The following MTUS1 variants were observed in gnomAD, a reference collection of about 807,000 sequenced individuals.
The protein encoded by MTUS1 is microtubule associated scaffold protein 1.
A neutral mutation model predicts 120.8 loss-of-function variants in MTUS1; 109 were observed. That is an observed-to-expected ratio of 0.90 (90% CI 0.77 to 1.06). The LOEUF is 1.06. Ranked by LOEUF, MTUS1 falls within the 50% of genes least tolerant of loss-of-function variation. MTUS1 has a pLI of 0.00. For missense variants in MTUS1, 2,210 were observed against 1,486.3 expected (o/e 1.49, Z -8.01); for synonymous variants, 737 against 550.5 (o/e 1.34, Z -4.74).
At chr8:17,710,306 C>G (rs1821038212) in intron 6 of MTUS1, among the ~76,000 whole-genome samples, 1 of 152,188 alleles carries the variant, frequency 6.6e-6, no homozygotes, top group Admixed American at 6.5e-5. Context: ...AAATTGGAGT[C>G]AATCCTCTCA....
chr8:17,703,628 C>CAAA (rs140018758), intron 6 of MTUS1, among the ~76,000 whole-genome samples: 1,213 of 115,092 alleles, frequency 0.011, 27 homozygotes, highest in African/African-American at 0.038. Context: ...GACTCTGTCT[C>CAAA]AAAAAAAAAA....
At chr8:17,672,783 T>A (rs73668813) in intron 8 of MTUS1, among the ~76,000 whole-genome samples, 6,265 of 152,290 alleles carry the variant, frequency 0.041, 432 homozygotes, top group African/African-American at 0.14. Flanking sequence ...GGAGAAGCAG[T>A]GCACCAGGAC....
At chr8:17,700,222 CT>C (rs1188539777) in intron 6 of MTUS1, among the ~76,000 whole-genome samples, 2 of 151,806 alleles carry the variant, frequency 1.3e-5, no homozygotes, top group African/African-American at 4.8e-5. Context: ...AATCTCAGCA[CT>C]TTGGGAGGCC....
intron 1 of MTUS1, among the ~76,000 whole-genome samples, chr8:17,756,639 C>G (rs1400463963): frequency 6.7e-6 from 1 of 149,118 alleles, no homozygotes; most frequent in African/African-American, 2.5e-5. Context: ...AAACTGTTCC[C>G]CACCCCTCTC....
At chr8:17,707,392 T>TA (rs753115249) in intron 6 of MTUS1, among the ~76,000 whole-genome samples, 3 of 151,988 alleles carry the variant, frequency 2.0e-5, no homozygotes, top group Non-Finnish European at 2.9e-5. Context: ...CTCCTCATAA[T>TA]ACCAGGTTAG....
chr8:17,749,640 G>A (rs1315697284), intron 2 of MTUS1, among the ~76,000 whole-genome samples: 3 of 149,160 alleles, frequency 2.0e-5, no homozygotes, highest in Non-Finnish European at 4.4e-5. Context: ...CCCCAGCCTG[G>A]GCAACAGAGA....
At chr8:17,731,283 G>A (rs772252513) in intron 3 of MTUS1, among the ~76,000 whole-genome samples, 63 of 152,084 alleles carry the variant, frequency 4.1e-4, no homozygotes, top group Non-Finnish European at 7.2e-4. Context: ...GTTCAAACCC[G>A]GCGCCACCTC....
rs1445279809 is a variant in MTUS1 at position 17,754,533 on chromosome 8, C to T, written c.1275G>A (p.Thr425=). The T allele has an allele frequency of 4.3e-6, 7 of 1,614,034 alleles. No individual in the cohort carries two copies. Among genetic ancestry groups the T allele is most frequent in the South Asian group, 2.2e-5 (2 of 91,084 alleles). ...ANDMVISTDK[T]MCMSTPVLEP... ...CTAGGACTGGTGTTGACATGCACAT[C>T]GTTTTGTCTGTGCTAATGACCATAT... Residue 425 remains threonine (T), a synonymous_variant, in exon 2 of 15, where the codon ACG becomes ACA. Coordinates refer to ENST00000693296, the MANE Select transcript of MTUS1 (RefSeq NM_001363059.2).
intron 3 of MTUS1, among the ~76,000 whole-genome samples, chr8:17,732,030 T>G (rs184728615): frequency 6.6e-6 from 1 of 152,298 alleles, no homozygotes; most frequent in African/African-American, 2.4e-5. Context: ...GGTGTCCCCA[T>G]GAAAAACAAA....
At chr8:17,740,010 G>A (rs1010428317) in intron 3 of MTUS1, among the ~76,000 whole-genome samples, 4 of 151,860 alleles carry the variant, frequency 2.6e-5, no homozygotes, top group Admixed American at 6.6e-5. Flanking sequence ...GTTCGAGACC[G>A]GCCTGGCCAA....
intron 1 of MTUS1, among the ~76,000 whole-genome samples, chr8:17,795,018 C>T (rs1186874126): frequency 6.6e-6 from 1 of 152,196 alleles, no homozygotes; most frequent in Non-Finnish European, 1.5e-5. Flanking sequence ...TCACTGAACA[C>T]TGCTGAATAC....
In MTUS1 at chr8:17,723,697, A is replaced by G; in HGVS notation, c.2424T>C (p.Ser808=). 6.2e-7 allele frequency: 1 copy of G among 1,610,822 alleles called. No individual in the cohort carries two copies. The highest frequency in any genetic ancestry group is 8.5e-7 in the Non-Finnish European group (1 of 1,177,696). Residue 808 remains serine, a synonymous_variant, in exon 4 of 15, where the codon AGT becomes AGC. Coordinates refer to ENST00000693296, the MANE Select transcript of MTUS1 (RefSeq NM_001363059.2). ...AATTGTTGCTGTAAGTGCTCAGCTC[A>G]CTGTGGGTGCTGGCTATTGAGGGGG... ...GSTPSIASTH[S]ELSTYSNNSG...
At chr8:17,724,232 G>C in intron 3 of MTUS1, 1 of 378,166 alleles carries the variant, frequency 2.6e-6, no homozygotes, top group Non-Finnish European at 5.1e-6. Context: ...TAATCCATTA[G>C]GACAATAGGC....
chr8:17,659,194 C>A (rs955110634), intron 8 of MTUS1, among the ~76,000 whole-genome samples: 2 of 152,076 alleles, frequency 1.3e-5, no homozygotes, highest in African/African-American at 4.8e-5. Context: ...GCCCGTGCCC[C>A]TTCTTTTCTA....
chr8:17,755,991 A>G, intron 1 of MTUS1, 30 bp from the exon 2 acceptor site: 1 of 1,367,740 alleles, frequency 7.3e-7, no homozygotes, highest in South Asian at 1.7e-5. Flanking sequence ...TAACTCAAGT[A>G]ACTATAAGAA....
At position 17,703,720 on chromosome 8, in the gene MTUS1, C is replaced by A. The variant is rs549745211; in HGVS notation, c.2623+9494G>T. On this transcript the variant is annotated intron_variant, in intron 6 of 14. Transcript: ENST00000693296. ...GCTTACTAGGATTGGGAAACACCAA[C>A]CCTGGTAAATTTGAGGTCAGACCGG... Among the ~76,000 whole-genome samples the A allele has an allele frequency of 1.1e-4, 17 of 151,924 alleles. No homozygotes were observed. In the South Asian group the frequency reaches 3.6e-3, roughly 32 times the overall value.
At chr8:17,690,417 T>C (rs1327522037) in intron 6 of MTUS1, among the ~76,000 whole-genome samples, 1 of 152,108 alleles carries the variant, frequency 6.6e-6, no homozygotes, top group East Asian at 1.9e-4. Flanking sequence ...GAGAAGGCAA[T>C]GCTTATACAC....
chr8:17,750,142 C>G (rs1203229705), intron 2 of MTUS1, among the ~76,000 whole-genome samples: 1 of 152,182 alleles, frequency 6.6e-6, no homozygotes, highest in South Asian at 2.1e-4. Context: ...ACACATAAAG[C>G]CCAATGCCGA....
intron 4 of MTUS1, among the ~76,000 whole-genome samples, chr8:17,719,622 G>A (rs868784926): frequency 7.2e-5 from 11 of 152,210 alleles, no homozygotes; most frequent in South Asian, 2.1e-4. Context: ...CCTCACCCAT[G>A]ACAGACATCA....
Sources: gnomAD v4.1 joint callset for allele counts (sites outside exome capture counted in the v4.1 genomes callset) on GRCh38, gnomAD v4.1.1 for gene constraint, MANE v1.5 for transcripts, NCBI Gene and HGNC (gene_info 2026-07-23, HGNC 2026-07-21) for gene names.